Variants in VEPH1 observed in about 807,000 individuals in gnomAD.
VEPH1 encodes ventricular zone expressed PH domain containing 1.
VEPH1 carries 80 observed loss-of-function variants against 85.2 expected under a neutral mutation model. That is an observed-to-expected ratio of 0.94 (90% CI 0.78 to 1.13). The LOEUF (loss-of-function observed/expected upper bound fraction) is 1.13, where lower values mean the gene tolerates loss of function less well. Among genes scored for constraint, VEPH1 ranks in the 50% most tolerant of loss-of-function variants. The pLI, the probability that VEPH1 is intolerant of heterozygous loss-of-function variation, is 0.00. For missense variants in VEPH1, 955 were observed against 980.5 expected (o/e 0.97, Z 0.35); for synonymous variants, 297 against 348.0 (o/e 0.85, Z 1.63).
At chr3:157,445,775 G>A (rs1027149377) in intron 4 of VEPH1, among the ~76,000 whole-genome samples, 3 of 152,180 alleles carry the variant, frequency 2.0e-5, no homozygotes, top group Admixed American at 6.5e-5. Context: ...GCAACAGAGC[G>A]AGACTTCATC....
chr3:157,427,596 C>G (rs1268598907), intron 5 of VEPH1, among the ~76,000 whole-genome samples: 1 of 152,176 alleles, frequency 6.6e-6, no homozygotes, highest in Non-Finnish European at 1.5e-5. Flanking sequence ...GCTGGGACTA[C>G]AGGTGCCTCC....
chr3:157,306,331 T>TA (rs1214334264), intron 11 of VEPH1, among the ~76,000 whole-genome samples: 1 of 152,196 alleles, frequency 6.6e-6, no homozygotes, highest in Non-Finnish European at 1.5e-5. Flanking sequence ...ATCATAAGTA[T>TA]ATGTATGTAT....
In VEPH1 at chr3:157,369,191, A is replaced by AC. The variant is rs1553773102; in HGVS notation, c.1128-4680_1128-4679insG. Among the ~76,000 whole-genome samples, 673 of 145,154 alleles carry AC rather than the reference A, an allele frequency of 4.6e-3. 19 individuals carry two copies. The highest frequency in any genetic ancestry group is 0.016 in the African/African-American group (639 of 39,648). ...AACAAAAACCAAATGAAAAAAAAAA[A>AC]AAAAAAAAAAAAACCTCCTGAGGTC... On this transcript the variant is annotated intron_variant, in intron 7 of 13. Coordinates refer to ENST00000362010, the MANE Select transcript of VEPH1 (RefSeq NM_001167912.2).
chr3:157,333,977 A>C (rs1722731764), intron 9 of VEPH1, among the ~76,000 whole-genome samples: 3 of 152,184 alleles, frequency 2.0e-5, no homozygotes, highest in African/African-American at 7.2e-5. Context: ...CAGGCATCAG[A>C]AGAACACTCA....
rs1347388192 is a variant in VEPH1, at chr3:157,265,584, C to T, written c.2207G>A (p.Trp736Ter). Reference sequence around the variant, plus strand: ...AGCCAGTGTAAAATAGCGTGTTTTCCACCTTTTGATGAACTTCCATCTGAC... The same window carrying T: ...AGCCAGTGTAAAATAGCGTGTTTTCTACCTTTTGATGAACTTCCATCTGAC... The part of the protein sequence containing the change: ...KQVRWKFIKR[W>*]KTRYFTLAGN... Residue 736 changes from tryptophan (W) to a stop codon, truncating the protein, a stop_gained, in exon 13 of 14, where the codon TGG becomes TAG. Coordinates refer to ENST00000362010, the MANE Select transcript of VEPH1 (RefSeq NM_001167912.2). LOFTEE classifies it high-confidence loss of function. 1.2e-6 allele frequency: 2 copies of T among 1,613,332 alleles called. No individual in the cohort carries two copies. The highest frequency in any genetic ancestry group is 1.7e-4 in the Middle Eastern group (1 of 6,058).
chr3:157,421,870 C>A (rs1191574460), intron 5 of VEPH1, among the ~76,000 whole-genome samples: 1 of 152,118 alleles, frequency 6.6e-6, no homozygotes, highest in African/African-American at 2.4e-5. Context: ...TGGGTGGGGT[C>A]CATCCACATC....
chr3:157,331,465 C>T (rs181496362), intron 9 of VEPH1, among the ~76,000 whole-genome samples: 2 of 152,340 alleles, frequency 1.3e-5, no homozygotes, highest in Admixed American at 6.5e-5. Flanking sequence ...GGCCAAGACT[C>T]TGCTTTACGA....
intron 11 of VEPH1, among the ~76,000 whole-genome samples, chr3:157,289,056 T>A (rs573709994): frequency 1.3e-5 from 2 of 152,380 alleles, no homozygotes; most frequent in East Asian, 3.8e-4. Context: ...CTGGGAATTT[T>A]GTGAGTTTCA....
At chr3:157,287,979 A>T (rs1716999135) in intron 11 of VEPH1, among the ~76,000 whole-genome samples, 1 of 152,228 alleles carries the variant, frequency 6.6e-6, no homozygotes, top group Non-Finnish European at 1.5e-5. Context: ...CACATGTTTT[A>T]TGTGCCCTGT....
intron 6 of VEPH1, among the ~76,000 whole-genome samples, chr3:157,399,069 G>C (rs1434712349): frequency 6.6e-6 from 1 of 152,052 alleles, no homozygotes; most frequent in Non-Finnish European, 1.5e-5. Context: ...ATCAACATTA[G>C]TTATTATTAC....
At chr3:157,387,999 A>AT (rs1246774548) in intron 6 of VEPH1, among the ~76,000 whole-genome samples, 1 of 152,154 alleles carries the variant, frequency 6.6e-6, no homozygotes, top group African/African-American at 2.4e-5. Context: ...CACTTTACAA[A>AT]TGTAAAAAAA....
intron 11 of VEPH1, among the ~76,000 whole-genome samples, chr3:157,305,468 T>G (rs1202975295): frequency 6.6e-6 from 1 of 152,192 alleles, no homozygotes; most frequent in Non-Finnish European, 1.5e-5. Context: ...ACAAAAAATA[T>G]TCTTTTATAT....
intron 6 of VEPH1, chr3:157,413,636 G>A (rs911255913): frequency 1.0e-5 from 10 of 985,266 alleles, no homozygotes; most frequent in Middle Eastern, 5.2e-4. Flanking sequence ...CCTGCTACTT[G>A]ATTCAGAGGC....
At chr3:157,352,726 A>C (rs956970349) in intron 9 of VEPH1, among the ~76,000 whole-genome samples, 16 of 152,220 alleles carry the variant, frequency 1.1e-4, no homozygotes, top group African/African-American at 3.6e-4. Context: ...CTGAATAACT[A>C]ATGTTTTATA....
intron 12 of VEPH1, among the ~76,000 whole-genome samples, chr3:157,272,407 CTT>C (rs1714796068): frequency 2.3e-5 from 3 of 132,680 alleles, no homozygotes; most frequent in Non-Finnish European, 3.2e-5. Context: ...TTCTTTCTTT[CTT>C]TCTTTCTTTC....
At chr3:157,483,808 CA>C (rs1210737388) in intron 2 of VEPH1, among the ~76,000 whole-genome samples, 1 of 152,050 alleles carries the variant, frequency 6.6e-6, no homozygotes, top group Non-Finnish European at 1.5e-5. Flanking sequence ...ATTATGTTCT[CA>C]ATGCCTAGAA....
At position 157,461,471 on chromosome 3, in the gene VEPH1, T is replaced by A. The variant is rs73030026; in HGVS notation, c.355-1116A>T. On this transcript the variant is annotated intron_variant, in intron 3 of 13. Coordinates refer to ENST00000362010, the MANE Select transcript of VEPH1 (RefSeq NM_001167912.2). ...TTCTGTGTTGCTTGTCCCACTGTTA[T>A]ATTCAGATCTTTGTTTTGTAGCTGA... is the stretch of plus-strand genomic sequence containing the variant. Among the ~76,000 whole-genome samples the A allele has an allele frequency of 3.4e-3, 523 of 152,344 alleles. 2 individuals carry two copies. The highest frequency in any genetic ancestry group is 0.012 in the African/African-American group (494 of 41,574).
intron 4 of VEPH1, among the ~76,000 whole-genome samples, chr3:157,430,150 G>A (rs60676003): frequency 0.45 from 67,780 of 152,048 alleles, 15,943 homozygotes; most frequent in Admixed American, 0.58. Flanking sequence ...AACCTTATAT[G>A]ATAATTGCTT....
intron 11 of VEPH1, among the ~76,000 whole-genome samples, chr3:157,302,548 G>A (rs1718922392): frequency 6.6e-6 from 1 of 152,234 alleles, no homozygotes; most frequent in Non-Finnish European, 1.5e-5. Flanking sequence ...GCATTTGGGT[G>A]ACATCTGTAA....
Sources: allele counts gnomAD v4.1 joint callset (sites outside exome capture counted in the v4.1 genomes callset), GRCh38; gene constraint gnomAD v4.1.1; transcripts MANE v1.5; gene names NCBI Gene and HGNC (gene_info 2026-07-23, HGNC 2026-07-21).